MXI1: variants seen among roughly 807,000 people sequenced by gnomAD.
MXI1 encodes max-interacting protein 1.
MXI1 carries 18 observed loss-of-function variants against 36.9 expected under a neutral mutation model. The observed-to-expected ratio is 0.49, with a 90% confidence interval of 0.34 to 0.72. MXI1 has a LOEUF of 0.72. Among genes scored for constraint, MXI1 ranks in the 30% least tolerant of loss-of-function variants. The pLI is 0.01. For synonymous variants in MXI1, 160 were observed against 146.7 expected (o/e 1.09, Z -0.65); for missense variants, 304 against 379.1 (o/e 0.80, Z 1.64).
chr10:110,270,157 T>C (rs1168765115), intron 3 of MXI1, among the ~76,000 whole-genome samples: 1 of 152,236 alleles, frequency 6.6e-6, no homozygotes, highest in Non-Finnish European at 1.5e-5. Flanking sequence ...TAGAACAAAT[T>C]GCCACTGTTT....
At chr10:110,211,393 T>C (rs1464557738) in intron 1 of MXI1, among the ~76,000 whole-genome samples, 5 of 152,046 alleles carry the variant, frequency 3.3e-5, no homozygotes, top group Admixed American at 6.5e-5. Context: ...CTGGGAGCTG[T>C]AGTGCGGCCA....
intron 3 of MXI1, among the ~76,000 whole-genome samples, chr10:110,261,338 T>C (rs561975090): frequency 6.6e-6 from 1 of 152,094 alleles, no homozygotes; most frequent in Non-Finnish European, 1.5e-5. Context: ...ACTAGATAGT[T>C]ATGCTGTGTT....
At chr10:110,242,435 T>C (rs1332536199) in intron 2 of MXI1, among the ~76,000 whole-genome samples, 3 of 151,994 alleles carry the variant, frequency 2.0e-5, no homozygotes, top group Non-Finnish European at 4.4e-5. Flanking sequence ...GTAAACACTA[T>C]TGATGCTTTT....
At chr10:110,237,549 A>G (rs1295361080) in intron 2 of MXI1, among the ~76,000 whole-genome samples, 2 of 152,074 alleles carry the variant, frequency 1.3e-5, no homozygotes, top group Non-Finnish European at 1.5e-5. Context: ...TTCATGTTGT[A>G]TTTTGTACTG....
At chr10:110,262,913 CCTAT>C (rs1287480765) in intron 3 of MXI1, among the ~76,000 whole-genome samples, 1 of 152,108 alleles carries the variant, frequency 6.6e-6, no homozygotes, top group Non-Finnish European at 1.5e-5. Context: ...TCTCTAAATT[CCTAT>C]CTCAGATTCA....
At position 110,212,772 on chromosome 10, in the gene MXI1, T is replaced by A. The variant is rs570183395; in HGVS notation, c.274+4690T>A. ...TCAATGAGGCACTGCACTTAAATAT[T>A]TAACGTACCTGAGATATAATAGGTG... On this transcript the variant is annotated intron_variant, in intron 1 of 5. Coordinates refer to ENST00000332674, the MANE Select transcript of MXI1 (RefSeq NM_130439.3). Among the ~76,000 whole-genome samples, 3 of 152,342 alleles carry A rather than the reference T, an allele frequency of 2.0e-5. No individual in the cohort carries two copies. In the Middle Eastern group the frequency reaches 0.01, roughly 518 times the overall value.
chr10:110,267,535 A>T (rs1856715924), intron 3 of MXI1, among the ~76,000 whole-genome samples: 1 of 152,216 alleles, frequency 6.6e-6, no homozygotes, highest in Non-Finnish European at 1.5e-5. Flanking sequence ...ATTCACAATT[A>T]TTCCTTTACA....
At chr10:110,250,137 G>A (rs1343769066) in intron 3 of MXI1, among the ~76,000 whole-genome samples, 2 of 152,118 alleles carry the variant, frequency 1.3e-5, no homozygotes, top group Admixed American at 6.6e-5. Flanking sequence ...GACTGATAGA[G>A]AAATTCAGAT....
chr10:110,284,929 G>C lies in MXI1; in HGVS notation c.830G>C (p.Ser277Thr). The stretch of plus-strand genomic sequence containing the variant: ...ATTGATGACCACAGCAGCCTGCCGA[G>C]TATTGGGAGTGACGAGGGTTACTCC... ...SDIDDHSSLP[S>T]IGSDEGYSSA... Residue 277 changes from serine to threonine, a missense_variant, in exon 6 of 6, where the codon AGT becomes ACT. By Grantham distance (58) the Ser-to-Thr change is moderately conservative. Transcript: ENST00000332674. 1 of 1,613,930 alleles carries C rather than the reference G, an allele frequency of 6.2e-7. No individual in the cohort carries two copies. Among genetic ancestry groups the C allele is most frequent in the South Asian group, 1.1e-5 (1 of 91,058 alleles).
intron 1 of MXI1, among the ~76,000 whole-genome samples, chr10:110,219,977 C>T (rs1012985516): frequency 1.3e-5 from 2 of 152,186 alleles, no homozygotes; most frequent in East Asian, 1.9e-4. Flanking sequence ...GCCACTGGAA[C>T]GCCCCCAGTC....
At chr10:110,228,844 G>A (rs936157806) in intron 2 of MXI1, among the ~76,000 whole-genome samples, 1 of 152,096 alleles carries the variant, frequency 6.6e-6, no homozygotes, top group Admixed American at 6.5e-5. Flanking sequence ...CGGATTGGTT[G>A]GTGGGCTCTT....
At chr10:110,281,310 T>A (rs994036596) in intron 5 of MXI1, among the ~76,000 whole-genome samples, 2 of 152,184 alleles carry the variant, frequency 1.3e-5, no homozygotes, top group East Asian at 1.9e-4. Context: ...ATAGGATTTT[T>A]AAAAATGTAA....
At chr10:110,267,346 A>G (rs1856708317) in intron 3 of MXI1, among the ~76,000 whole-genome samples, 1 of 152,224 alleles carries the variant, frequency 6.6e-6, no homozygotes. Context: ...TTTCTGTAAT[A>G]TATTGGTTAC....
At chr10:110,246,050 G>A (rs1855853139) in intron 3 of MXI1, among the ~76,000 whole-genome samples, 1 of 152,064 alleles carries the variant, frequency 6.6e-6, no homozygotes, top group African/African-American at 2.4e-5. Flanking sequence ...AGCCAGGCAT[G>A]GTGGCTCATG....
At chr10:110,265,689 A>C (rs1221514302) in intron 3 of MXI1, among the ~76,000 whole-genome samples, 1 of 152,184 alleles carries the variant, frequency 6.6e-6, no homozygotes, top group East Asian at 1.9e-4. Flanking sequence ...AAGATATTAT[A>C]AGCTCCTATA....
In MXI1 at chr10:110,279,998, C is replaced by A; in HGVS notation, c.637C>A (p.Gln213Lys). The change falls in exon 5 of 6, where the codon CAG becomes AAG. Residue 213 changes from glutamine to lysine, a missense_variant. By Grantham distance (53) the Gln-to-Lys change is moderately conservative (BLOSUM62 1). Around this residue, in one of 2 missense-constraint regions of MXI1, gnomAD observed 125 missense variants for 194.3 expected, o/e 0.64. Coordinates refer to ENST00000332674, the MANE Select transcript of MXI1 (RefSeq NM_130439.3). ...EQRFLKWRLE[Q>K]LQGPQEMERI... ...GAGATTTTTAAAGTGGCGACTGGAA[C>A]AGCTGCAGGGTCCTCAGGAGATGGA... is the stretch of plus-strand genomic sequence containing the variant. 6.2e-7 allele frequency: 1 copy of A among 1,613,428 alleles called. No homozygotes were observed. The highest frequency in any genetic ancestry group is 8.5e-7 in the Non-Finnish European group (1 of 1,179,570).
intron 3 of MXI1, among the ~76,000 whole-genome samples, chr10:110,261,705 G>A (rs889944577): frequency 2.0e-5 from 3 of 151,942 alleles, no homozygotes; most frequent in Non-Finnish European, 4.4e-5. Context: ...ATACCATTGT[G>A]ACTCTTCATT....
chr10:110,218,449 CA>C (rs5787839), intron 1 of MXI1, among the ~76,000 whole-genome samples: 76,228 of 139,006 alleles, frequency 0.55, 23,208 homozygotes, highest in African/African-American at 0.83. Flanking sequence ...GACTCCATCT[CA>C]AAAAAAAAAA....
At chr10:110,281,188 T>C (rs1857234965) in intron 5 of MXI1, among the ~76,000 whole-genome samples, 1 of 152,208 alleles carries the variant, frequency 6.6e-6, no homozygotes, top group Admixed American at 6.5e-5. Context: ...TGTCAACTTG[T>C]TTCATCTGTT....
Sources: allele counts gnomAD v4.1 joint callset (sites outside exome capture counted in the v4.1 genomes callset), GRCh38; gene constraint gnomAD v4.1.1; regional missense constraint gnomAD v4.1.1; transcripts MANE v1.5; gene names NCBI Gene and HGNC (gene_info 2026-07-23, HGNC 2026-07-21).